The following TRAPPC6B variants were observed in gnomAD, a reference collection of about 807,000 sequenced individuals.
TRAPPC6B encodes the protein trafficking protein particle complex subunit 6B.
Under a neutral mutation model 24.7 loss-of-function variants are expected in TRAPPC6B, and 27 were observed. That is an observed-to-expected ratio of 1.09 (90% CI 0.81 to 1.51). The LOEUF (loss-of-function observed/expected upper bound fraction) is 1.51. Ranked by LOEUF, TRAPPC6B falls within the 40% of genes most tolerant of loss-of-function variation. The probability of loss-of-function intolerance (pLI) is 0.00; values close to 1 mark genes in which losing one functional copy is unlikely to be tolerated. For synonymous variants in TRAPPC6B, 80 were observed against 66.6 expected, an observed-to-expected ratio of 1.20 and a Z score of -0.98; for missense variants, 212 against 190.8, an observed-to-expected ratio of 1.11 and a Z score of -0.66.
chr14:39,165,294 C>T (rs952821957), intron 1 of TRAPPC6B, among the ~76,000 whole-genome samples: 10 of 152,150 alleles, frequency 6.6e-5, no homozygotes, highest in African/African-American at 2.4e-4. Flanking sequence ...ATCCGCCCGC[C>T]TCGGCCTCCC....
At chr14:39,164,811 C>T (rs910311695) in intron 1 of TRAPPC6B, among the ~76,000 whole-genome samples, 5 of 152,046 alleles carry the variant, frequency 3.3e-5, no homozygotes, top group East Asian at 1.9e-4. Flanking sequence ...CACTCTAGAC[C>T]GGGCAACAGA....
At chr14:39,168,102 G>C (rs1224436912) in intron 1 of TRAPPC6B, among the ~76,000 whole-genome samples, 1 of 151,796 alleles carries the variant, frequency 6.6e-6, no homozygotes, top group African/African-American at 2.4e-5. Flanking sequence ...TGTAATTCCA[G>C]ATACTCAGGA....
chr14:39,169,865 T>A, intron 1 of TRAPPC6B, 150 bp downstream of exon 1: 1 of 672,692 alleles, frequency 1.5e-6, no homozygotes, highest in South Asian at 1.7e-5. Flanking sequence ...AACTGACAGG[T>A]TCTAGGGTTT....
intron 1 of TRAPPC6B, among the ~76,000 whole-genome samples, chr14:39,167,549 T>TA (rs2053120680): frequency 6.6e-6 from 1 of 152,216 alleles, no homozygotes; most frequent in Non-Finnish European, 1.5e-5. Flanking sequence ...CAGGATTATG[T>TA]ATCTTTTACA....
intron 3 of TRAPPC6B, chr14:39,157,737 C>G (rs186844415): frequency 4.2e-6 from 1 of 235,628 alleles, no homozygotes; most frequent in Non-Finnish European, 8.5e-6. Flanking sequence ...GAACCAATTA[C>G]GACAGACAAA....
In TRAPPC6B at chr14:39,149,482, A is replaced by G. The variant is rs926971; in HGVS notation, c.*868T>C. 2 of 152,102 alleles carry G rather than the reference A, an allele frequency of 1.3e-5. No homozygotes were observed. Among genetic ancestry groups the G allele is most frequent in the African/African-American group, 2.4e-5 (1 of 41,388 alleles). 9.4% of individuals were successfully genotyped at this position (152,102 alleles called of 1,614,324 possible). ...AAGTAGAAGAGGTGGTAAGAAAGAT[A>G]TATCAGATGAGCACTGACCCCAAAC... On this transcript the variant is annotated 3_prime_UTR_variant, in exon 6 of 6. Transcript: ENST00000330149.
chr14:39,163,747 C>A (rs1323641467), intron 1 of TRAPPC6B, among the ~76,000 whole-genome samples: 1 of 151,024 alleles, frequency 6.6e-6, no homozygotes, highest in East Asian at 1.9e-4. Flanking sequence ...AGGAACCATG[C>A]ACTCTGCTTA....
In TRAPPC6B at chr14:39,165,509, G is replaced by A. The variant is rs2139389301; in HGVS notation, c.81+4506C>T. ...CTCCACACTTCTCAAACATGCTTAG[G>A]ATGAGGCCAGGCGCAGTGCTCATGC... is the stretch of plus-strand genomic sequence containing the variant. On this transcript the variant is annotated intron_variant, in intron 1 of 5. Transcript: ENST00000330149. 1.3e-5 allele frequency among the ~76,000 whole-genome samples: 2 copies of A among 152,186 alleles called. 1 individual carries two copies. Among genetic ancestry groups the A allele is most frequent in the South Asian group, 4.2e-4 (2 of 4,818 alleles).
chr14:39,156,426 T>A (rs541022209), intron 3 of TRAPPC6B, among the ~76,000 whole-genome samples: 1 of 152,312 alleles, frequency 6.6e-6, no homozygotes, highest in East Asian at 1.9e-4. Flanking sequence ...TCCTTGAAGT[T>A]CATAAAATAA....
chr14:39,167,472 TAAAC>T (rs2053120143), intron 1 of TRAPPC6B, among the ~76,000 whole-genome samples: 1 of 152,104 alleles, frequency 6.6e-6, no homozygotes. Context: ...TTTTCAGACA[TAAAC>T]AACATAGTTT....
chr14:39,165,640 AT>A (rs1566551362), intron 1 of TRAPPC6B, among the ~76,000 whole-genome samples: 1 of 148,810 alleles, frequency 6.7e-6, no homozygotes, highest in Non-Finnish European at 1.5e-5. Context: ...ACAAAAAAAA[AT>A]TTTTTTAATT....
chr14:39,154,082 A>C, intron 4 of TRAPPC6B, 129 bp downstream of exon 4: 2 of 595,258 alleles, frequency 3.4e-6, no homozygotes, highest in Non-Finnish European at 5.9e-6. Context: ...CATTTCATAG[A>C]AAACTCTTTA....
In TRAPPC6B at chr14:39,148,988, AG is replaced by A. The variant is rs1281963947; in HGVS notation, c.*1361del. ...GTACTTGCATATCTAAACATAAAGA[AG>A]GTACAGTAAAAATACAGTATTGTAA... On this transcript the variant is annotated 3_prime_UTR_variant, in exon 6 of 6. Coordinates refer to ENST00000330149, the MANE Select transcript of TRAPPC6B (RefSeq NM_001079537.2). 41 of 374,904 alleles carry A rather than the reference AG, an allele frequency of 1.1e-4. No individual in the cohort carries two copies. Among genetic ancestry groups the A allele is most frequent in the African/African-American group, 7.9e-4 (38 of 48,328 alleles). The allele number at this position is 374,904 out of a possible 1,614,324, so 23.2% of individuals were successfully genotyped here.
intron 3 of TRAPPC6B, chr14:39,157,480 A>G (rs2052996422): frequency 5.3e-6 from 2 of 376,166 alleles, no homozygotes; most frequent in African/African-American, 2.1e-5. Context: ...AGCAGGAGTT[A>G]ACACCATCTC....
In TRAPPC6B at chr14:39,162,009, AT is replaced by A. The variant is rs1410291852; in HGVS notation, c.82-2460del. 3.9e-5 allele frequency among the ~76,000 whole-genome samples: 6 copies of A among 152,222 alleles called. No individual in the cohort carries two copies. In the South Asian group the frequency reaches 1.2e-3, roughly 32 times the overall value. ...TAGGAGGAGGGGCTCCCACCAGTGG[AT>A]TTACAAGCACTTGTCTTGGCTTGGG... On this transcript the variant is annotated intron_variant, in intron 1 of 5. Transcript: ENST00000330149.
intron 1 of TRAPPC6B, among the ~76,000 whole-genome samples, chr14:39,168,645 T>C (rs4902448): frequency 0.22 from 33,039 of 152,064 alleles, 4,051 homozygotes; most frequent in Middle Eastern, 0.36. Flanking sequence ...TTCTGATTAA[T>C]AGTACCACCA....
At chr14:39,157,740 C>T (rs560167469) in intron 3 of TRAPPC6B, 2 of 236,236 alleles carry the variant, frequency 8.5e-6, no homozygotes, top group Middle Eastern at 1.7e-3. Flanking sequence ...CCAATTACGA[C>T]AGACAAAACG....
chr14:39,158,926 C>A (rs542378380), intron 2 of TRAPPC6B: 3 of 152,456 alleles, frequency 2.0e-5, no homozygotes, highest in Admixed American at 1.3e-4. Flanking sequence ...ATTAGTCTAA[C>A]ATTATAGCCA....
intron 4 of TRAPPC6B, among the ~76,000 whole-genome samples, chr14:39,153,476 A>T (rs1193731466): frequency 2.7e-5 from 4 of 150,032 alleles, no homozygotes; most frequent in South Asian, 2.1e-4. Context: ...AAATTTTTTT[A>T]AAAATTAGCC....
Sources: gnomAD v4.1 joint callset for allele counts (sites outside exome capture counted in the v4.1 genomes callset) on GRCh38, gnomAD v4.1.1 for gene constraint, MANE v1.5 for transcripts, NCBI Gene and HGNC (gene_info 2026-07-23, HGNC 2026-07-21) for gene names.